The following ROBO2 variants were observed in gnomAD, a reference collection of about 807,000 sequenced individuals.
The protein encoded by ROBO2 is roundabout homolog 2.
Under a neutral mutation model 160.8 loss-of-function variants are expected in ROBO2, and 53 were observed. The observed-to-expected ratio is 0.33, with a 90% confidence interval of 0.26 to 0.41. ROBO2 has a LOEUF of 0.41. Among genes scored for constraint, ROBO2 ranks in the 10% least tolerant of loss-of-function variants. ROBO2 has a pLI of 1.00. For missense variants in ROBO2, 1,577 were observed against 1,722.4 expected (o/e 0.92, Z 1.49); for synonymous variants, 664 against 611.7 (o/e 1.09, Z -1.26).
chr3:77,606,307 A>C (rs2094525034), intron 20 of ROBO2, among the ~76,000 whole-genome samples: 1 of 152,184 alleles, frequency 6.6e-6, no homozygotes, highest in Non-Finnish European at 1.5e-5. Context: ...AATTCTCAAA[A>C]TAACTGAAAA....
At chr3:76,767,238 A>C (rs1022980434) in intron 2 of ROBO2, among the ~76,000 whole-genome samples, 1 of 151,588 alleles carries the variant, frequency 6.6e-6, no homozygotes, top group African/African-American at 2.4e-5. Flanking sequence ...TGATATTTTC[A>C]ATTATCGTCT....
At chr3:77,644,956 G>A (rs1485259848) in intron 25 of ROBO2, 52 bp downstream of exon 27, 1 of 1,563,812 alleles carries the variant, frequency 6.4e-7, no homozygotes, top group South Asian at 1.1e-5. Flanking sequence ...AGAATCTTGG[G>A]TTAATAACAT....
chr3:77,086,819 T>C (rs1212972641), intron 1 of ROBO2, among the ~76,000 whole-genome samples: 1 of 152,196 alleles, frequency 6.6e-6, no homozygotes, highest in Non-Finnish European at 1.5e-5. Context: ...ATTGTAATCT[T>C]ATTTTCCATC....
chr3:76,488,004 G>A (rs1215544021), intron 2 of ROBO2, among the ~76,000 whole-genome samples: 2 of 152,268 alleles, frequency 1.3e-5, no homozygotes, highest in Non-Finnish European at 2.9e-5. Flanking sequence ...ACCATTAGAA[G>A]CAAGTCTCAG....
At chr3:76,849,252 C>T (rs988265781) in intron 2 of ROBO2, among the ~76,000 whole-genome samples, 2 of 152,168 alleles carry the variant, frequency 1.3e-5, no homozygotes, top group Non-Finnish European at 2.9e-5. Flanking sequence ...GGCATCATCT[C>T]TAATACACTT....
chr3:76,618,115 C>T (rs1578580481), intron 2 of ROBO2, among the ~76,000 whole-genome samples: 1 of 151,666 alleles, frequency 6.6e-6, no homozygotes, highest in South Asian at 2.1e-4. Context: ...CAAAGACTCA[C>T]AAACCAGAGC....
intron 2 of ROBO2, among the ~76,000 whole-genome samples, chr3:76,640,826 G>A (rs535258019): frequency 3.3e-5 from 5 of 151,948 alleles, no homozygotes; most frequent in African/African-American, 4.8e-5. Flanking sequence ...AAATAAGGAC[G>A]TTCTCAAAAA....
intron 2 of ROBO2, among the ~76,000 whole-genome samples, chr3:76,803,425 CAAA>C (rs2064386196): frequency 4.2e-5 from 2 of 47,694 alleles, no homozygotes; most frequent in South Asian, 1.5e-3. Context: ...GAGGAGGATA[CAAA>C]AGAGGAGGAA....
At chr3:76,326,412 G>C (rs979541043) in intron 2 of ROBO2, among the ~76,000 whole-genome samples, 1 of 151,942 alleles carries the variant, frequency 6.6e-6, no homozygotes, top group Non-Finnish European at 1.5e-5. Context: ...GAGTGTGTTT[G>C]TGCATATATA....
intron 1 of ROBO2, among the ~76,000 whole-genome samples, chr3:77,088,700 T>C (rs2069694745): frequency 6.6e-6 from 1 of 152,202 alleles, no homozygotes; most frequent in Non-Finnish European, 1.5e-5. Flanking sequence ...TAGGAATAAA[T>C]TTCTAAGGTA....
intron 2 of ROBO2, among the ~76,000 whole-genome samples, chr3:77,286,657 A>G (rs1416857617): frequency 6.6e-6 from 1 of 152,148 alleles, no homozygotes; most frequent in Non-Finnish European, 1.5e-5. Context: ...TCAGTCTGAG[A>G]GCGCTTTTTG....
chr3:77,214,548 G>C (rs1262167005), intron 2 of ROBO2, among the ~76,000 whole-genome samples: 4 of 152,190 alleles, frequency 2.6e-5, no homozygotes, highest in Admixed American at 6.5e-5. Context: ...GCCAGTCTGT[G>C]CCTTTTATTT....
intron 2 of ROBO2, among the ~76,000 whole-genome samples, chr3:76,908,865 A>G (rs2075787125): frequency 6.6e-6 from 1 of 152,222 alleles, no homozygotes; most frequent in Non-Finnish European, 1.5e-5. Flanking sequence ...TTATATGAAG[A>G]TAATTGATAA....
chr3:76,984,852 A>G (rs1296857873), intron 2 of ROBO2, among the ~76,000 whole-genome samples: 1 of 152,070 alleles, frequency 6.6e-6, no homozygotes, highest in Non-Finnish European at 1.5e-5. Flanking sequence ...ACATAATTAC[A>G]TATACTTTTA....
At chr3:77,027,578 T>G (rs2063046536) in intron 2 of ROBO2, among the ~76,000 whole-genome samples, 1 of 152,208 alleles carries the variant, frequency 6.6e-6, no homozygotes, top group African/African-American at 2.4e-5. Flanking sequence ...CTTTTGGTAT[T>G]AAATGATGGG....
intron 2 of ROBO2, among the ~76,000 whole-genome samples, chr3:77,391,251 A>G: frequency 6.6e-6 from 1 of 152,196 alleles, no homozygotes; most frequent in East Asian, 1.9e-4. Flanking sequence ...AGTTTTCATT[A>G]GAAACCTTTG....
At chr3:76,775,884 C>A (rs2108549456) in intron 2 of ROBO2, among the ~76,000 whole-genome samples, 1 of 150,756 alleles carries the variant, frequency 6.6e-6, no homozygotes, top group Admixed American at 6.6e-5. Context: ...AGCACCTAAA[C>A]ACCTAAAAAC....
At chr3:76,219,471 AT>A (rs972118124) in intron 2 of ROBO2, among the ~76,000 whole-genome samples, 95 of 152,294 alleles carry the variant, frequency 6.2e-4, no homozygotes, top group African/African-American at 2.0e-3. Context: ...ACTCAAACAA[AT>A]TTACAAGAAG....
intron 2 of ROBO2, among the ~76,000 whole-genome samples, chr3:76,869,340 ATGT>A (rs2071730283): frequency 2.8e-5 from 3 of 108,152 alleles, no homozygotes. Flanking sequence ...GTAGAAATTG[ATGT>A]TTTTTTTTTT....
Sources: gnomAD v4.1 joint callset for allele counts (sites outside exome capture counted in the v4.1 genomes callset) on GRCh38, gnomAD v4.1.1 for gene constraint, MANE v1.5 for transcripts, NCBI Gene and HGNC (gene_info 2026-07-23, HGNC 2026-07-21) for gene names.